The following THNSL1 variants were observed in gnomAD, a reference collection of about 807,000 sequenced individuals.
THNSL1 encodes threonine synthase like 1.
Under a neutral mutation model 50.4 loss-of-function variants are expected in THNSL1, and 48 were observed. The ratio of observed to expected loss-of-function variants is 0.95; its 90% confidence interval spans 0.76 to 1.21. The LOEUF is 1.21. Ranked by LOEUF, THNSL1 falls within the 50% of genes most tolerant of loss-of-function variation. The pLI is 0.00. For synonymous variants in THNSL1, 309 were observed against 306.1 expected, an observed-to-expected ratio of 1.01 and a Z score of -0.10; for missense variants, 896 against 871.7, an observed-to-expected ratio of 1.03 and a Z score of -0.35.
the THNSL1 span, chr10:24,984,828 C>T: frequency 1.2e-3 from 1,968 of 1,613,720 alleles, 9 homozygotes; most frequent in Non-Finnish European, 1.1e-3. Context: ...GCTTGCGGAT[C>T]TTCTTTGGTA....
chr10:24,979,092 G>T, the THNSL1 span, among the ~76,000 whole-genome samples: 2 of 152,144 alleles, frequency 1.3e-5, no homozygotes, highest in South Asian at 4.1e-4. Flanking sequence ...ATCACCTGAG[G>T]TTTACTAAGA....
chr10:25,008,167 A>G, the THNSL1 span, among the ~76,000 whole-genome samples: 2 of 152,066 alleles, frequency 1.3e-5, no homozygotes, highest in Non-Finnish European at 2.9e-5. Context: ...ACACTAAAAT[A>G]GCTTCTAACA....
chr10:24,958,447 T>C, the THNSL1 span, among the ~76,000 whole-genome samples: 1 of 152,242 alleles, frequency 6.6e-6, no homozygotes, highest in Non-Finnish European at 1.5e-5. Flanking sequence ...GTAAGACTCT[T>C]GCTAACTTTG....
chr10:24,989,319 C>A, the THNSL1 span, among the ~76,000 whole-genome samples: 32 of 152,148 alleles, frequency 2.1e-4, no homozygotes, highest in Non-Finnish European at 3.7e-4. Context: ...TGAACATCTG[C>A]GTTTTCACTG....
chr10:24,979,676 A>G, the THNSL1 span, among the ~76,000 whole-genome samples: 3 of 152,184 alleles, frequency 2.0e-5, no homozygotes, highest in Non-Finnish European at 2.9e-5. Context: ...ATCTCCAAAC[A>G]TAAAGGTCTA....
the THNSL1 span, chr10:24,984,446 G>A: frequency 7.1e-5 from 105 of 1,481,754 alleles, no homozygotes; most frequent in Non-Finnish European, 9.2e-5. Context: ...AGAAATTAAT[G>A]TTTATGTGAA....
the THNSL1 span, among the ~76,000 whole-genome samples, chr10:24,967,995 ATGTGTG>A: frequency 0.078 from 10,922 of 139,702 alleles, 421 homozygotes; most frequent in African/African-American, 0.1. Context: ...TATGTGTATG[ATGTGTG>A]TGTGTGTGTG....
In THNSL1 at chr10:25,024,737, G is replaced by C. The variant is rs770789518; in HGVS notation, c.1514G>C (p.Cys505Ser). Residue 505 changes from cysteine (C) to serine (S), a missense_variant, in exon 3 of 3, where the codon TGT (cysteine) becomes TCT (serine). Physicochemically the swap from Cys to Ser is moderately radical, Grantham distance 112. Transcript: ENST00000376356. ...FISFGSPVDV[C>S]IPTGNFGNIL... The stretch of plus-strand genomic sequence containing the variant: ...TCTTTTGGAAGCCCAGTCGATGTCT[G>C]TATTCCCACAGGAAACTTTGGTAAC... The C allele has an allele frequency of 6.2e-7, 1 of 1,614,138 alleles. No homozygotes were observed. The highest frequency in any genetic ancestry group is 2.2e-5 in the East Asian group (1 of 44,864).
chr10:24,993,053 G>A, the THNSL1 span, among the ~76,000 whole-genome samples: 2 of 152,172 alleles, frequency 1.3e-5, no homozygotes, highest in African/African-American at 4.8e-5. Flanking sequence ...CAGCACTTTG[G>A]GACAGCTAGG....
the THNSL1 span, among the ~76,000 whole-genome samples, chr10:24,976,492 CTT>C: frequency 6.6e-6 from 1 of 151,750 alleles, no homozygotes; most frequent in Non-Finnish European, 1.5e-5. Context: ...TTTTCTTTTT[CTT>C]TTGTTTTTTT....
At chr10:24,974,603 T>C in the THNSL1 span, among the ~76,000 whole-genome samples, 7 of 152,368 alleles carry the variant, frequency 4.6e-5, no homozygotes, top group South Asian at 1.4e-3. Context: ...ATTTGGCTTA[T>C]ATTTTTGCTT....
At chr10:24,995,547 C>T in the THNSL1 span, 1 of 1,061,958 alleles carries the variant, frequency 9.4e-7, no homozygotes, top group Non-Finnish European at 1.4e-6. Flanking sequence ...ACAATGTGTC[C>T]AATGAGAGCA....
chr10:24,957,889 A>G, the THNSL1 span, among the ~76,000 whole-genome samples: 3 of 152,184 alleles, frequency 2.0e-5, no homozygotes, highest in African/African-American at 7.2e-5. Context: ...AAATTCTGTA[A>G]TCATCCTGTG....
At chr10:25,020,248 A>G (rs1464308088) in intron 1 of THNSL1, among the ~76,000 whole-genome samples, 1 of 135,112 alleles carries the variant, frequency 7.4e-6, no homozygotes, top group South Asian at 2.7e-4. Flanking sequence ...ATATATCTAT[A>G]TCTATATCTA....
chr10:24,964,864 A>T, the THNSL1 span, among the ~76,000 whole-genome samples: 62 of 152,108 alleles, frequency 4.1e-4, no homozygotes, highest in Non-Finnish European at 7.9e-4. Context: ...GGAGTTCAAG[A>T]CCAGCCTGGG....
chr10:24,992,021 T>A, the THNSL1 span, among the ~76,000 whole-genome samples: 3 of 152,160 alleles, frequency 2.0e-5, no homozygotes, highest in African/African-American at 4.8e-5. Flanking sequence ...GCGAGGGGAA[T>A]AAGGGAATTT....
chr10:24,993,550 A>G, the THNSL1 span, among the ~76,000 whole-genome samples: 1 of 152,350 alleles, frequency 6.6e-6, no homozygotes, highest in African/African-American at 2.4e-5. Flanking sequence ...TGGAGCTGAA[A>G]TGGGAGTTCA....
At chr10:24,963,532 T>C in the THNSL1 span, among the ~76,000 whole-genome samples, 1 of 152,222 alleles carries the variant, frequency 6.6e-6, no homozygotes, top group East Asian at 1.9e-4. Context: ...CAGGAACCTC[T>C]TTCAGTTGGT....
Position 25,024,376 on chromosome 10 carries a change from G to GCAGTCTTAAA in THNSL1, c.1154_1163dup (p.Gly389SerfsTer6). ...AGCTACTTCAGGAGACACAGGGAGT[G>GCAGTCTTAAA]CAGTCTTAAATGGTTTTAGTCGTCT... is the stretch of plus-strand genomic sequence containing the variant. On this transcript the variant is annotated frameshift_variant, in exon 3 of 3. Coordinates refer to ENST00000376356, the MANE Select transcript of THNSL1 (RefSeq NM_024838.5). LOFTEE classifies it high-confidence loss of function. 1 of 1,613,950 alleles carries GCAGTCTTAAA rather than the reference G, an allele frequency of 6.2e-7. No individual in the cohort carries two copies. Among genetic ancestry groups the GCAGTCTTAAA allele is most frequent in the Non-Finnish European group, 8.5e-7 (1 of 1,180,024 alleles).
Sources: gnomAD v4.1 joint callset for allele counts (sites outside exome capture counted in the v4.1 genomes callset) on GRCh38, gnomAD v4.1.1 for gene constraint, MANE v1.5 for transcripts, NCBI Gene and HGNC (gene_info 2026-07-23, HGNC 2026-07-21) for gene names.